Variants in PPP4R4 observed in about 807,000 individuals in gnomAD.
The protein encoded by PPP4R4 is serine/threonine-protein phosphatase 4 regulatory subunit 4.
Under a neutral mutation model 121.8 loss-of-function variants are expected in PPP4R4, and 70 were observed. That is an observed-to-expected ratio of 0.57 (90% CI 0.47 to 0.70). The LOEUF (loss-of-function observed/expected upper bound fraction) is 0.70. Among genes scored for constraint, PPP4R4 ranks in the 30% least tolerant of loss-of-function variants. The pLI, the probability that PPP4R4 is intolerant of heterozygous loss-of-function variation, is 0.00. For missense variants in PPP4R4, 875 were observed against 1,033.6 expected (o/e 0.85, Z 2.10); for synonymous variants, 348 against 355.7 (o/e 0.98, Z 0.24).
At chr14:94,261,451 C>T (rs1361841759) in intron 19 of PPP4R4, among the ~76,000 whole-genome samples, 1 of 151,746 alleles carries the variant, frequency 6.6e-6, no homozygotes, top group Non-Finnish European at 1.5e-5. Context: ...TTTGTTTATT[C>T]TAAAAATTGT....
chr14:94,220,020 G>A (rs905191571), intron 3 of PPP4R4, among the ~76,000 whole-genome samples: 4 of 152,064 alleles, frequency 2.6e-5, no homozygotes, highest in Admixed American at 1.3e-4. Flanking sequence ...TCAGGAGTTC[G>A]AGGCCAGCCT....
chr14:94,233,813 A>G lies in PPP4R4; in HGVS notation c.623+54A>G, dbSNP rs539391232. The stretch of plus-strand genomic sequence containing the variant: ...ACTTTATTACATTCGTTTAAAATGT[A>G]TAATGACTGTGTAACAATATATTTG... On this transcript the variant is annotated intron_variant, in intron 6 of 24. Coordinates refer to ENST00000304338, the MANE Select transcript of PPP4R4 (RefSeq NM_058237.2). 1.3e-5 allele frequency: 14 copies of G among 1,102,610 alleles called. No individual in the cohort carries two copies. The African/African-American group carries it at 1.6e-4, about 12-fold the overall frequency. The allele number at this position is 1,102,610 out of a possible 1,614,324, so 68.3% of individuals were successfully genotyped here.
intron 2 of PPP4R4, among the ~76,000 whole-genome samples, chr14:94,190,705 G>A (rs946305477): frequency 2.0e-5 from 3 of 152,120 alleles, no homozygotes; most frequent in African/African-American, 7.2e-5. Flanking sequence ...AAATTAACAG[G>A]AGGGAGCTTA....
At chr14:94,214,507 A>G (rs928761560) in intron 3 of PPP4R4, among the ~76,000 whole-genome samples, 4 of 142,886 alleles carry the variant, frequency 2.8e-5, no homozygotes, top group Non-Finnish European at 6.0e-5. Flanking sequence ...CCTCTAAAAA[A>G]CAAAAAAAAA....
At chr14:94,174,895 C>T (rs1400761079) in intron 1 of PPP4R4, among the ~76,000 whole-genome samples, 1 of 151,870 alleles carries the variant, frequency 6.6e-6, no homozygotes, top group Non-Finnish European at 1.5e-5. Context: ...CGAATCCCCC[C>T]GGCCCACCCC....
intron 3 of PPP4R4, among the ~76,000 whole-genome samples, chr14:94,211,579 A>G (rs752838616): frequency 3.3e-5 from 5 of 152,180 alleles, no homozygotes; most frequent in Non-Finnish European, 5.9e-5. Flanking sequence ...GGTTGATGAA[A>G]GAGCATGCAA....
At chr14:94,206,423 G>C (rs1337571802) in intron 2 of PPP4R4, among the ~76,000 whole-genome samples, 2 of 151,500 alleles carry the variant, frequency 1.3e-5, no homozygotes, top group East Asian at 1.9e-4. Flanking sequence ...TGCCAATTCC[G>C]GTCTTAAATT....
intron 3 of PPP4R4, among the ~76,000 whole-genome samples, chr14:94,226,586 T>A (rs944968453): frequency 1.3e-5 from 2 of 152,146 alleles, no homozygotes; most frequent in African/African-American, 4.8e-5. Flanking sequence ...TATTTGAAAG[T>A]CTTTTATAAA....
chr14:94,209,368 T>A (rs1325642447), intron 3 of PPP4R4, among the ~76,000 whole-genome samples: 2 of 152,054 alleles, frequency 1.3e-5, no homozygotes, highest in Non-Finnish European at 2.9e-5. Context: ...TTGTCATAAT[T>A]TTTAATTTAT....
chr14:94,188,277 G>A (rs941078886), intron 2 of PPP4R4, among the ~76,000 whole-genome samples: 1 of 151,948 alleles, frequency 6.6e-6, no homozygotes, highest in East Asian at 1.9e-4. Context: ...CTCATTCTTG[G>A]AATAAATCCT....
intron 3 of PPP4R4, among the ~76,000 whole-genome samples, chr14:94,217,850 C>T (rs776668744): frequency 5.3e-5 from 8 of 152,102 alleles, no homozygotes; most frequent in Non-Finnish European, 1.2e-4. Flanking sequence ...CAAAATTAGC[C>T]AGGCGTGGTG....
In PPP4R4 at chr14:94,250,292, T is replaced by G; in HGVS notation, c.1717+15T>G. 1 of 1,542,754 alleles carries G rather than the reference T, an allele frequency of 6.5e-7. No homozygotes were observed. The highest frequency in any genetic ancestry group is 8.9e-7 in the Non-Finnish European group (1 of 1,117,388). On this transcript the variant is annotated intron_variant, in intron 15 of 24. Coordinates refer to ENST00000304338, the MANE Select transcript of PPP4R4 (RefSeq NM_058237.2). ...ATTAATTGAACGTAAGTAATCATTG[T>G]CTACTATTTTGAAAAAGGAAAGTAA...
At chr14:94,236,531 A>G (rs933116283) in intron 7 of PPP4R4, among the ~76,000 whole-genome samples, 3 of 152,266 alleles carry the variant, frequency 2.0e-5, no homozygotes, top group South Asian at 2.1e-4. Flanking sequence ...ATCTAGATCA[A>G]TCTCTTAGAA....
chr14:94,251,635 C>A, intron 15 of PPP4R4, 114 bp from the exon 16 acceptor site: 2 of 775,574 alleles, frequency 2.6e-6, no homozygotes, highest in Admixed American at 3.3e-5. Flanking sequence ...CTTGTATTTG[C>A]TAGCCAAATT....
intron 23 of PPP4R4, among the ~76,000 whole-genome samples, chr14:94,272,092 T>A (rs1172063919): frequency 6.6e-6 from 1 of 152,224 alleles, no homozygotes; most frequent in Admixed American, 6.5e-5. Flanking sequence ...TCTTCCCAAC[T>A]TGATCTATAA....
At chr14:94,244,824 C>A in intron 12 of PPP4R4, 112 bp downstream of exon 12, 1 of 1,047,708 alleles carries the variant, frequency 9.5e-7, no homozygotes, top group Non-Finnish European at 1.3e-6. Flanking sequence ...GCTGACTAGC[C>A]CCAGAAGCTT....
Position 94,175,887 on chromosome 14 carries a change from G to A in PPP4R4, c.118-167G>A, listed in dbSNP as rs928660992. On this transcript the variant is annotated intron_variant, in intron 1 of 24. Transcript: ENST00000304338. ...CCAAACCACCCAATTAGAGACCTCCGTGATTGATGTCGCCTGGTATCCTCA... is the reference window on the plus strand; with the variant it reads ...CCAAACCACCCAATTAGAGACCTCCATGATTGATGTCGCCTGGTATCCTCA... The A allele has an allele frequency of 4.9e-6, 3 of 613,350 alleles. No individual in the cohort carries two copies. In the African/African-American group the frequency reaches 5.5e-5, roughly 11 times the overall value. The allele number at this position is 613,350 out of a possible 1,614,324, so 38.0% of individuals were successfully genotyped here.
Position 94,233,672 on chromosome 14 carries a change from C to G in PPP4R4, c.536C>G (p.Ser179Cys), listed in dbSNP as rs374152826. 6.3e-7 allele frequency: 1 copy of G among 1,593,216 alleles called. No individual in the cohort carries two copies. The highest frequency in any genetic ancestry group is 1.4e-5 in the African/African-American group (1 of 74,020). Reference protein sequence around the residue: ...LRHEILNPLVSKAQLSQTVQS... With the variant: ...LRHEILNPLVCKAQLSQTVQS... ...CTTTAGATTTTGAATCCACTTGTTTCCAAGGCACAACTTTCCCAAACAGTC... is the reference window on the plus strand; with the variant it reads ...CTTTAGATTTTGAATCCACTTGTTTGCAAGGCACAACTTTCCCAAACAGTC... Residue 179 changes from serine (S) to cysteine (C), a missense_variant, in exon 6 of 25, where the codon TCC becomes TGC. Physicochemically the swap from Ser to Cys is moderately radical, Grantham distance 112. Coordinates refer to ENST00000304338, the MANE Select transcript of PPP4R4 (RefSeq NM_058237.2).
In PPP4R4 at chr14:94,235,388, C is replaced by CTTTTTTTTTTT. The variant is rs34881107; in HGVS notation, c.731+738_731+748dup. Among the ~76,000 whole-genome samples, 13 of 50,806 alleles carry CTTTTTTTTTTT rather than the reference C, an allele frequency of 2.6e-4. 1 individual carries two copies. Among genetic ancestry groups the CTTTTTTTTTTT allele is most frequent in the East Asian group, 7.8e-4 (1 of 1,280 alleles). The allele number at this position is 50,806 out of a possible 152,430, so 33.3% of individuals were successfully genotyped here. ...TGTTTGTTTTGTTGCTCTCCTTGTT[C>CTTTTTTTTTTT]TTTTTTTTTTTTTTTTTTTTTTTTT... is the stretch of plus-strand genomic sequence containing the variant. On this transcript the variant is annotated intron_variant, in intron 7 of 24. Transcript: ENST00000304338.
Sources: allele counts gnomAD v4.1 joint callset (sites outside exome capture counted in the v4.1 genomes callset), GRCh38; gene constraint gnomAD v4.1.1; transcripts MANE v1.5; gene names NCBI Gene and HGNC (gene_info 2026-07-23, HGNC 2026-07-21).